Variants in PCYT1B observed in about 807,000 individuals in gnomAD.
PCYT1B encodes the protein phosphate cytidylyltransferase 1B, choline, also known as choline-phosphate cytidylyltransferase B.
In PCYT1B, 10 loss-of-function variants were observed where a neutral mutation model predicts 26.4. That is an observed-to-expected ratio of 0.38 (90% CI 0.23 to 0.64). The LOEUF is 0.64. Ranked by LOEUF, PCYT1B falls within the 30% of genes least tolerant of loss-of-function variation. The probability of loss-of-function intolerance (pLI) is 0.56; values close to 1 mark genes in which losing one functional copy is unlikely to be tolerated. For missense variants in PCYT1B, 161 were observed against 292.7 expected, an observed-to-expected ratio of 0.55 and a Z score of 3.28; for synonymous variants, 131 against 108.4, an observed-to-expected ratio of 1.21 and a Z score of -1.29.
intron 1 of PCYT1B, among the ~76,000 whole-genome samples, chrX:24,665,620 T>C (rs962408732): frequency 2.7e-5 from 3 of 111,523 alleles, no homozygotes; most frequent in Non-Finnish European, 3.8e-5. Context: ...ACTGACCAAC[T>C]GGTCCCCACT....
upstream of PCYT1B, among the ~76,000 whole-genome samples, chrX:24,651,445 A>G: frequency 1.7e-5 from 1 of 58,894 alleles, no homozygotes; most frequent in Non-Finnish European, 2.9e-5. Flanking sequence ...ACAGAGCGAG[A>G]TGCCATCTCA....
chrX:24,630,542 G>C (rs780139071), intron 1 of PCYT1B, among the ~76,000 whole-genome samples: 1 of 111,995 alleles, frequency 8.9e-6, no homozygotes, highest in Non-Finnish European at 1.9e-5. Flanking sequence ...TGATCCGCCC[G>C]CCTTGGCCTC....
At chrX:24,602,047 G>A (rs1005738413) in intron 3 of PCYT1B, among the ~76,000 whole-genome samples, 3 of 112,369 alleles carry the variant, frequency 2.7e-5, no homozygotes, top group African/African-American at 9.7e-5. Context: ...ACCTCCACAT[G>A]GATGCTTATA....
At chrX:24,579,200 A>C in intron 6 of PCYT1B, 116 bp downstream of exon 6, 1 of 499,846 alleles carries the variant, frequency 2.0e-6, no homozygotes. Flanking sequence ...AAAAAAAAAA[A>C]GAGAGAGAGA....
intron 2 of PCYT1B, among the ~76,000 whole-genome samples, chrX:24,613,498 A>C (rs1302367360): frequency 8.9e-6 from 1 of 112,108 alleles, no homozygotes; most frequent in African/African-American, 3.2e-5. Flanking sequence ...AAAAATTATT[A>C]AGTAAATTAC....
chrX:24,604,118 A>C (rs894826617), intron 3 of PCYT1B, among the ~76,000 whole-genome samples: 17 of 107,007 alleles, frequency 1.6e-4, no homozygotes, highest in African/African-American at 5.8e-4. Flanking sequence ...ACAGAATCTC[A>C]CTCTGTGGTC....
intron 1 of PCYT1B, among the ~76,000 whole-genome samples, chrX:24,643,993 A>C (rs758103793): frequency 6.2e-4 from 70 of 112,311 alleles, no homozygotes; most frequent in African/African-American, 2.2e-3. Flanking sequence ...GGGTGCTGGG[A>C]GAAATGCAGA....
In PCYT1B at chrX:24,647,252, A is replaced by T. The variant is rs1013494514; in HGVS notation, c.-147T>A. On this transcript the variant is annotated 5_prime_UTR_variant, in exon 1 of 8. Coordinates refer to ENST00000379144, the MANE Select transcript of PCYT1B (RefSeq NM_004845.5). Reference sequence around the variant, plus strand: ...CCTTCTTTCTGTCTTCCCTAGGGGAAGTAAAGAGGTTACCCCCCGCCCCTC... The same window carrying T: ...CCTTCTTTCTGTCTTCCCTAGGGGATGTAAAGAGGTTACCCCCCGCCCCTC... 4.6e-5 allele frequency: 44 copies of T among 962,530 alleles called. No homozygotes were observed. Among genetic ancestry groups the T allele is most frequent in the Non-Finnish European group, 5.8e-5 (44 of 759,646 alleles). The allele number at this position is 962,530 out of a possible 1,213,427, so 79.3% of individuals were successfully genotyped here. A position where few individuals can be genotyped will look rare whatever the true frequency, so the allele number is the denominator to read the frequency against.
At chrX:24,591,571 G>A (rs747295310) in intron 3 of PCYT1B, among the ~76,000 whole-genome samples, 16 of 109,901 alleles carry the variant, frequency 1.5e-4, no homozygotes, top group African/African-American at 4.6e-4. Flanking sequence ...TTACAGGTGC[G>A]TGCCATGACA....
chrX:24,619,820 G>T (rs759739495), intron 1 of PCYT1B, among the ~76,000 whole-genome samples: 12 of 112,675 alleles, frequency 1.1e-4, no homozygotes, highest in Admixed American at 8.4e-4. Context: ...GGGCTCTGGG[G>T]AACGCTGTGA....
chrX:24,617,232 A>C (rs1216733197), intron 2 of PCYT1B, among the ~76,000 whole-genome samples: 1 of 111,339 alleles, frequency 9.0e-6, no homozygotes, highest in Admixed American at 9.6e-5. Context: ...TAAAACTACT[A>C]ATCACATAGA....
chrX:24,575,021 G>T lies in PCYT1B; in HGVS notation c.897+109C>A. The T allele has an allele frequency of 9.2e-6, 5 of 544,131 alleles. No individual in the cohort carries two copies. The South Asian group carries it at 1.8e-4, about 19-fold the overall frequency. 44.8% of individuals were successfully genotyped at this position (544,131 alleles called of 1,213,427 possible). A position where few individuals can be genotyped will look rare whatever the true frequency, so the allele number is the denominator to read the frequency against. ...GTCATTCAGGCTGATGCCTAAAGTA[G>T]AGGGCATGCAGTGGATCTGAGATAA... On this transcript the variant is annotated intron_variant, in intron 7 of 7. Coordinates refer to ENST00000379144, the MANE Select transcript of PCYT1B (RefSeq NM_004845.5).
chrX:24,613,114 T>C (rs1925359440), intron 2 of PCYT1B, among the ~76,000 whole-genome samples: 1 of 111,983 alleles, frequency 8.9e-6, no homozygotes, highest in South Asian at 3.7e-4. Context: ...TTTACGATGA[T>C]GTTTGAGTGC....
chrX:24,572,593 T>C (rs1923867662), intron 7 of PCYT1B, among the ~76,000 whole-genome samples: 1 of 111,601 alleles, frequency 9.0e-6, no homozygotes, highest in Admixed American at 9.6e-5. Context: ...AATTCACAAA[T>C]AAGGAATTAT....
intron 3 of PCYT1B, among the ~76,000 whole-genome samples, chrX:24,601,100 AG>A (rs1924944952): frequency 8.9e-6 from 1 of 112,345 alleles, no homozygotes; most frequent in Non-Finnish European, 1.9e-5. Context: ...ACAACACCAA[AG>A]GCATGAACCG....
At chrX:24,578,193 G>A (rs958647539) in intron 6 of PCYT1B, among the ~76,000 whole-genome samples, 7 of 111,233 alleles carry the variant, frequency 6.3e-5, no homozygotes, top group African/African-American at 3.3e-5. Context: ...TTGCAGGGAC[G>A]TGGATGAAGC....
intron 3 of PCYT1B, among the ~76,000 whole-genome samples, chrX:24,598,545 A>G (rs1415612130): frequency 9.0e-6 from 1 of 111,297 alleles, no homozygotes. Context: ...TTAGAGAAGG[A>G]ATAACATGCC....
In PCYT1B at chrX:24,560,023, A is replaced by T. The variant is rs1194445246; in HGVS notation, c.*2270T>A. 4 of 111,912 alleles carry T rather than the reference A, an allele frequency of 3.6e-5. No homozygotes were observed. The highest frequency in any genetic ancestry group is 1.3e-4 in the African/African-American group (4 of 30,787). The allele number at this position is 111,912 out of a possible 1,213,427, so 9.2% of individuals were successfully genotyped here. A position where few individuals can be genotyped will look rare whatever the true frequency, so the allele number is the denominator to read the frequency against. On this transcript the variant is annotated 3_prime_UTR_variant, in exon 8 of 8. Coordinates refer to ENST00000379144, the MANE Select transcript of PCYT1B (RefSeq NM_004845.5). ...TTGGCAGCAATGGTGACATTATCTG[A>T]TGAGTCACGTAAGTGGCACCTGTCA...
intron 1 of PCYT1B, among the ~76,000 whole-genome samples, chrX:24,625,322 A>T (rs147673276): frequency 8.9e-6 from 1 of 112,099 alleles, no homozygotes; most frequent in Non-Finnish European, 1.9e-5. Context: ...GTTTCTGAAC[A>T]TATTTTTAAA....
Sources: allele counts gnomAD v4.1 joint callset (sites outside exome capture counted in the v4.1 genomes callset), GRCh38; gene constraint gnomAD v4.1.1; transcripts MANE v1.5; gene names NCBI Gene and HGNC (gene_info 2026-07-23, HGNC 2026-07-21).